Variants in KIAA0586 observed in about 807,000 individuals in gnomAD.
The protein encoded by KIAA0586 is protein TALPID3.
In KIAA0586, 144 loss-of-function variants were observed where a neutral mutation model predicts 169.8. The observed-to-expected ratio is 0.85, with a 90% CI of 0.74 to 0.97. The LOEUF is 0.97. Among genes scored for constraint, KIAA0586 ranks in the 50% least tolerant of loss-of-function variants. The probability of loss-of-function intolerance (pLI) is 0.00; values close to 1 mark genes in which losing one functional copy is unlikely to be tolerated. For synonymous variants in KIAA0586, 625 were observed against 612.4 expected, an observed-to-expected ratio of 1.02 and a Z score of -0.30; for missense variants, 1,854 against 1,823.0, an observed-to-expected ratio of 1.02 and a Z score of -0.31.
intron 29 of KIAA0586, among the ~76,000 whole-genome samples, chr14:58,525,138 G>A (rs1215659673): frequency 6.6e-6 from 1 of 152,152 alleles, no homozygotes; most frequent in East Asian, 1.9e-4. Flanking sequence ...AAGGATGCTG[G>A]TGAGGAAATG....
chr14:58,459,131 G>A (rs542710676), intron 12 of KIAA0586, among the ~76,000 whole-genome samples: 1 of 152,128 alleles, frequency 6.6e-6, no homozygotes, highest in Non-Finnish European at 1.5e-5. Flanking sequence ...TTTTGTCCTG[G>A]GGTGCAAGGT....
chr14:58,507,941 A>G (rs1360415938), intron 27 of KIAA0586, among the ~76,000 whole-genome samples: 3 of 152,032 alleles, frequency 2.0e-5, no homozygotes, highest in African/African-American at 7.2e-5. Flanking sequence ...CCATGCCACC[A>G]CACCCAGCTA....
Position 58,536,190 on chromosome 14 carries a change from G to A in KIAA0586, c.4430-3881G>A, listed in dbSNP as rs1404148431. On this transcript the variant is annotated intron_variant, in intron 29 of 30. Transcript: ENST00000652326. Reference sequence around the variant, plus strand: ...TATTGCATGGATATATTGGTTTATTGCATGGATATATTGGTATATTGCTTA... The same window carrying A: ...TATTGCATGGATATATTGGTTTATTACATGGATATATTGGTATATTGCTTA... 3.9e-5 allele frequency among the ~76,000 whole-genome samples: 6 copies of A among 152,162 alleles called. 1 individual carries two copies. In the East Asian group the frequency reaches 1.2e-3, roughly 29 times the overall value.
chr14:58,534,319 A>G (rs117125251), intron 29 of KIAA0586, among the ~76,000 whole-genome samples: 1 of 152,348 alleles, frequency 6.6e-6, no homozygotes, highest in Non-Finnish European at 1.5e-5. Context: ...GGTATAATAT[A>G]GGTGTATTAG....
intron 19 of KIAA0586, among the ~76,000 whole-genome samples, chr14:58,476,193 G>A (rs2041607622): frequency 6.6e-6 from 1 of 151,980 alleles, no homozygotes; most frequent in African/African-American, 2.4e-5. Context: ...TAGGATTATA[G>A]GTGAGCTTTA....
Position 58,507,280 on chromosome 14 carries a change from T to TTA in KIAA0586, c.4169-1265_4169-1264dup, listed in dbSNP as rs535740704. On this transcript the variant is annotated intron_variant, in intron 27 of 30. Transcript: ENST00000652326. ...TGTATGATTTATATATATGTATGAT[T>TTA]TATATATATATCATGTGTATGATTT... 1.7e-3 allele frequency among the ~76,000 whole-genome samples: 253 copies of TTA among 146,464 alleles called. 1 individual carries two copies. Among genetic ancestry groups the TTA allele is most frequent in the African/African-American group, 5.8e-3 (232 of 40,320 alleles).
At position 58,467,865 on chromosome 14, in the gene KIAA0586, CAT is replaced by C; in HGVS notation, c.2387_2388del (p.Ile796SerfsTer26). The stretch of plus-strand genomic sequence containing the variant: ...TAGAAACTGGAGTAAAGAAACCTAA[CAT>C]AGCCATTGTAGAAATGAAGTCAGAA... ...KVETGVKKPNIAIVEMKSEKK... is the reference protein window; with the variant it reads ...KVETGVKKPNXAIVEMKSEKK... On this transcript the variant is annotated frameshift_variant, in exon 16 of 31. Coordinates refer to ENST00000652326, the MANE Select transcript of KIAA0586 (RefSeq NM_001329943.3). LOFTEE classifies it high-confidence loss of function. 6.2e-7 allele frequency: 1 copy of C among 1,613,698 alleles called. No individual in the cohort carries two copies. The highest frequency in any genetic ancestry group is 8.5e-7 in the Non-Finnish European group (1 of 1,179,704).
intron 29 of KIAA0586, among the ~76,000 whole-genome samples, chr14:58,537,868 C>G (rs2012393): frequency 8.6e-4 from 130 of 151,606 alleles, no homozygotes; most frequent in African/African-American, 3.0e-3. Context: ...AGGATGGTCT[C>G]GATCTCCTGA....
chr14:58,437,305 A>G (rs1467364681), intron 4 of KIAA0586, among the ~76,000 whole-genome samples: 2 of 152,192 alleles, frequency 1.3e-5, no homozygotes, highest in African/African-American at 4.8e-5. Flanking sequence ...GGTGAGTAGT[A>G]TTACTCATTG....
intron 20 of KIAA0586, among the ~76,000 whole-genome samples, chr14:58,478,841 G>A (rs995061935): frequency 6.6e-6 from 1 of 152,130 alleles, no homozygotes; most frequent in Admixed American, 6.5e-5. Context: ...CATGCAATAT[G>A]TAGCCCGTTG....
At position 58,428,298 on chromosome 14, in the gene KIAA0586, A is replaced by C. The variant is rs979130859; in HGVS notation, c.34A>C (p.Lys12Gln). The change falls in exon 1 of 31, where the codon AAA becomes CAA. Residue 12 changes from lysine (K) to glutamine (Q), a missense_variant. Coordinates refer to ENST00000652326, the MANE Select transcript of KIAA0586 (RefSeq NM_001329943.3). ...KGSEVSLEKK[K>Q]KIKMPVKRLR... is the part of the protein sequence containing the mutation. ...CTCTGAGGTCAGCTTGGAGAAGAAA[A>C]AAAAGATTAAGATGCCAGTGAAGAG... 1 of 1,613,760 alleles carries C rather than the reference A, an allele frequency of 6.2e-7. No individual in the cohort carries two copies. Among genetic ancestry groups the C allele is most frequent in the Non-Finnish European group, 8.5e-7 (1 of 1,179,844 alleles).
chr14:58,512,567 C>T lies in KIAA0586; in HGVS notation c.4369C>T (p.Pro1457Ser). ...NQDVKQVEHK[P>S]SQSYLRVRNK... ...GGATGTTAAGCAAGTTGAACACAAA[C>T]CATCACAAAGTTACCTACGTGTTAG... Residue 1457 changes from proline (P) to serine (S), a missense_variant, in exon 29 of 31, where the codon CCA (proline) becomes TCA (serine). Transcript: ENST00000652326. 6.5e-7 allele frequency: 1 copy of T among 1,545,360 alleles called. No individual in the cohort carries two copies. Among genetic ancestry groups the T allele is most frequent in the Non-Finnish European group, 8.7e-7 (1 of 1,154,210 alleles).
intron 16 of KIAA0586, among the ~76,000 whole-genome samples, chr14:58,468,703 G>T (rs1452734826): frequency 6.6e-6 from 1 of 152,192 alleles, no homozygotes; most frequent in Non-Finnish European, 1.5e-5. Flanking sequence ...GTGAACATGA[G>T]TATTTACATG....
At chr14:58,450,011 G>T (rs548359839) in intron 7 of KIAA0586, among the ~76,000 whole-genome samples, 2 of 152,016 alleles carry the variant, frequency 1.3e-5, no homozygotes, top group South Asian at 2.1e-4. Flanking sequence ...AAAAAGATTT[G>T]CCATATTTTA....
Position 58,467,791 on chromosome 14 carries a change from C to CCACA in KIAA0586, c.2313_2316dup (p.Pro773ThrfsTer24). The CCACA allele has an allele frequency of 1.2e-6, 2 of 1,613,602 alleles. No homozygotes were observed. The highest frequency in any genetic ancestry group is 8.5e-7 in the Non-Finnish European group (1 of 1,179,642). On this transcript the variant is annotated frameshift_variant, in exon 16 of 31. Transcript: ENST00000652326. LOFTEE classifies it high-confidence loss of function. Reference sequence around the variant, plus strand: ...ACCTGCTGGAGTGATTGTCAGCAAGCCACACCCTGTAACTGTGACTACTTC... The same window carrying CCACA: ...ACCTGCTGGAGTGATTGTCAGCAAGCCACACACACCCTGTAACTGTGACTACTTC...
chr14:58,512,015 C>T (rs924666074), intron 28 of KIAA0586, among the ~76,000 whole-genome samples: 29 of 152,154 alleles, frequency 1.9e-4, no homozygotes, highest in African/African-American at 6.3e-4. Flanking sequence ...TATGGTGGAG[C>T]GTATGTTTCT....
chr14:58,502,846 T>A (rs2043670626), intron 27 of KIAA0586, among the ~76,000 whole-genome samples: 1 of 152,222 alleles, frequency 6.6e-6, no homozygotes, highest in South Asian at 2.1e-4. Flanking sequence ...ATAACTGTGG[T>A]CCATAGATGA....
At chr14:58,480,278 T>A (rs1200933260) in intron 20 of KIAA0586, among the ~76,000 whole-genome samples, 1 of 151,496 alleles carries the variant, frequency 6.6e-6, no homozygotes, top group Non-Finnish European at 1.5e-5. Context: ...CTATTGACCA[T>A]CTCTGATGCT....
At chr14:58,470,790 C>A in intron 17 of KIAA0586, 67 bp downstream of exon 17, 2 of 720,526 alleles carry the variant, frequency 2.8e-6, no homozygotes, top group African/African-American at 1.8e-5. Context: ...CTAATTACTC[C>A]ATTTAAAGCC....
Sources: allele counts gnomAD v4.1 joint callset (sites outside exome capture counted in the v4.1 genomes callset), GRCh38; gene constraint gnomAD v4.1.1; transcripts MANE v1.5; gene names NCBI Gene and HGNC (gene_info 2026-07-23, HGNC 2026-07-21).